Variants in LRRTM3 observed in about 807,000 individuals in gnomAD.
LRRTM3 encodes the protein leucine rich repeat transmembrane neuronal 3.
Under a neutral mutation model 44.7 loss-of-function variants are expected in LRRTM3, and 24 were observed. The ratio of observed to expected loss-of-function variants is 0.54; its 90% confidence interval spans 0.39 to 0.76. The LOEUF is 0.76. LRRTM3 is among the 30% of genes least tolerant of loss of function. The probability of loss-of-function intolerance (pLI) is 0.00; values close to 1 mark genes in which losing one functional copy is unlikely to be tolerated. For missense variants in LRRTM3, 587 were observed against 702.2 expected, an observed-to-expected ratio of 0.84 and a Z score of 1.85; for synonymous variants, 277 against 278.7, an observed-to-expected ratio of 0.99 and a Z score of 0.06.
intron 2 of LRRTM3, among the ~76,000 whole-genome samples, chr10:67,071,830 T>C (rs1344863169): frequency 6.6e-6 from 1 of 152,228 alleles, no homozygotes; most frequent in African/African-American, 2.4e-5. Flanking sequence ...GAGTATTTTT[T>C]CAGTTCACTA....
At chr10:67,011,228 C>A (rs1852312104) in intron 2 of LRRTM3, among the ~76,000 whole-genome samples, 1 of 151,620 alleles carries the variant, frequency 6.6e-6, no homozygotes, top group Non-Finnish European at 1.5e-5. Flanking sequence ...GTAGTCCCAG[C>A]TACTCGGGAG....
In LRRTM3 at chr10:66,927,732, T is replaced by C. The variant is rs1403811008; in HGVS notation, c.816T>C (p.Ser272=). 3 of 1,614,062 alleles carry C rather than the reference T, an allele frequency of 1.9e-6. No homozygotes were observed. The highest frequency in any genetic ancestry group is 1.3e-5 in the African/African-American group (1 of 74,928). The change falls in exon 2 of 3, where the codon AGT becomes AGC. Residue 272 remains serine, a synonymous_variant. Transcript: ENST00000361320. The surrounding 1 kb of genome is among the most constrained non-coding windows in gnomAD (Gnocchi z 4.7). Reference sequence around the variant, plus strand: ...AGATCGAAGCTTTCAGTGGACCCAGTGTTTTCCAGTGTGTCCCGAATCTGC... The same window carrying C: ...AGATCGAAGCTTTCAGTGGACCCAGCGTTTTCCAGTGTGTCCCGAATCTGC... ...GNEIEAFSGP[S]VFQCVPNLQR... is the part of the protein sequence containing the mutation.
intron 2 of LRRTM3, among the ~76,000 whole-genome samples, chr10:67,086,770 C>T (rs534741552): frequency 1.7e-4 from 26 of 152,038 alleles, no homozygotes; most frequent in Non-Finnish European, 3.7e-4. Flanking sequence ...TTCTTTCCAC[C>T]AGTTGCTTCT....
chr10:66,980,495 T>C (rs1850358200), intron 2 of LRRTM3, among the ~76,000 whole-genome samples: 1 of 127,698 alleles, frequency 7.8e-6, no homozygotes. Context: ...ACCAAAACTA[T>C]TGAGACCTTC....
intron 2 of LRRTM3, among the ~76,000 whole-genome samples, chr10:66,994,963 C>T (rs1187095916): frequency 6.6e-6 from 1 of 152,152 alleles, no homozygotes; most frequent in Admixed American, 6.6e-5. Flanking sequence ...TGGAACTCTC[C>T]ACAAGGTCTA....
intron 2 of LRRTM3, among the ~76,000 whole-genome samples, chr10:66,932,391 G>C (rs1847453470): frequency 6.6e-6 from 1 of 152,160 alleles, no homozygotes. Flanking sequence ...TGAAGCCTGA[G>C]ATAAAGTGAG....
chr10:66,927,585 C>A lies in LRRTM3; in HGVS notation c.669C>A (p.Ala223=). ...ATCAATTTTCCAAGCTCAACCTGGCCCTTTTTCCAAGGTTGGTCAGCCTTC... is the reference window on the plus strand; with the variant it reads ...ATCAATTTTCCAAGCTCAACCTGGCACTTTTTCCAAGGTTGGTCAGCCTTC... ...EHNQFSKLNL[A]LFPRLVSLQN... Residue 223 remains alanine (A), a synonymous_variant, in exon 2 of 3, where the codon GCC becomes GCA. Transcript: ENST00000361320. The surrounding 1 kb of genome is among the most constrained non-coding windows in gnomAD (Gnocchi z 4.7). 2 of 1,614,142 alleles carry A rather than the reference C, an allele frequency of 1.2e-6. No homozygotes were observed. Among genetic ancestry groups the A allele is most frequent in the South Asian group, 1.1e-5 (1 of 91,080 alleles).
intron 2 of LRRTM3, among the ~76,000 whole-genome samples, chr10:66,989,491 C>G (rs1258103917): frequency 6.6e-6 from 1 of 152,024 alleles, no homozygotes; most frequent in Non-Finnish European, 1.5e-5. Context: ...CTGCAGATGC[C>G]ACACTATGGT....
chr10:67,063,865 AATCAATC>A (rs1399362274), intron 2 of LRRTM3, among the ~76,000 whole-genome samples: 2 of 152,216 alleles, frequency 1.3e-5, no homozygotes, highest in Admixed American at 1.3e-4. Flanking sequence ...TGATGCTAGC[AATCAATC>A]AAATACTCTG....
intron 2 of LRRTM3, among the ~76,000 whole-genome samples, chr10:67,005,682 C>CTTTTTTTGTTTTTTTT: frequency 1.6e-5 from 1 of 61,976 alleles, no homozygotes; most frequent in Non-Finnish European, 2.9e-5. Flanking sequence ...TTTACTCCAT[C>CTTTTTTTGTTTTTTTT]TTTTTTTTTT....
intron 2 of LRRTM3, among the ~76,000 whole-genome samples, chr10:67,064,395 C>T (rs1385501351): frequency 1.3e-5 from 2 of 151,594 alleles, no homozygotes; most frequent in East Asian, 1.9e-4. Context: ...CTAGTGTAAC[C>T]GAAATTACCA....
intron 2 of LRRTM3, among the ~76,000 whole-genome samples, chr10:66,937,539 C>T (rs1384367565): frequency 6.6e-6 from 1 of 152,084 alleles, no homozygotes; most frequent in Non-Finnish European, 1.5e-5. Context: ...ATAACAGACT[C>T]CTGGTGGACT....
At chr10:67,024,330 T>A (rs985125668) in intron 2 of LRRTM3, among the ~76,000 whole-genome samples, 1 of 152,218 alleles carries the variant, frequency 6.6e-6, no homozygotes, top group Non-Finnish European at 1.5e-5. Flanking sequence ...TCTCTTACCA[T>A]GACCTTCCTG....
intron 2 of LRRTM3, among the ~76,000 whole-genome samples, chr10:66,986,694 C>T (rs16913238): frequency 0.048 from 7,289 of 152,172 alleles, 460 homozygotes; most frequent in East Asian, 0.29. Flanking sequence ...ACTTTTACAA[C>T]TCCATGGCTA....
At chr10:67,037,619 T>C (rs1257386809) in intron 2 of LRRTM3, among the ~76,000 whole-genome samples, 3 of 152,136 alleles carry the variant, frequency 2.0e-5, no homozygotes, top group Middle Eastern at 3.2e-3. Context: ...TGAAAAATGA[T>C]GAAAACCTGA....
chr10:66,968,378 A>C (rs1019301133), intron 2 of LRRTM3, among the ~76,000 whole-genome samples: 3 of 150,046 alleles, frequency 2.0e-5, no homozygotes, highest in Non-Finnish European at 4.4e-5. Context: ...TCGAAAAAAG[A>C]TATACATACA....
At chr10:67,022,014 A>G (rs1453905983) in intron 2 of LRRTM3, among the ~76,000 whole-genome samples, 1 of 152,230 alleles carries the variant, frequency 6.6e-6, no homozygotes, top group Non-Finnish European at 1.5e-5. Context: ...TTAAGTCGCA[A>G]TAGACCTTTC....
chr10:67,097,981 T>C lies in LRRTM3; in HGVS notation c.*185T>C, dbSNP rs1589735682. The C allele has an allele frequency of 1.7e-6, 1 of 593,988 alleles. No individual in the cohort carries two copies. The highest frequency in any genetic ancestry group is 2.8e-5 in the East Asian group (1 of 35,670). 36.8% of individuals were successfully genotyped at this position (593,988 alleles called of 1,614,324 possible). A position where few individuals can be genotyped will look rare whatever the true frequency, so the allele number is the denominator to read the frequency against. ...CATGAATTGTTTTAAGTCTACACTTTGTAATTAGCTAAGTTGTGCAGTATT... is the reference window on the plus strand; with the variant it reads ...CATGAATTGTTTTAAGTCTACACTTCGTAATTAGCTAAGTTGTGCAGTATT... On this transcript the variant is annotated 3_prime_UTR_variant, in exon 3 of 3. Coordinates refer to ENST00000361320, the MANE Select transcript of LRRTM3 (RefSeq NM_178011.5).
At chr10:67,069,792 T>C (rs1856332674) in intron 2 of LRRTM3, among the ~76,000 whole-genome samples, 1 of 152,158 alleles carries the variant, frequency 6.6e-6, no homozygotes, top group African/African-American at 2.4e-5. Context: ...TTCTACTGTA[T>C]GAATATTCAA....
Sources: gnomAD v4.1 joint callset for allele counts (sites outside exome capture counted in the v4.1 genomes callset) on GRCh38, gnomAD v4.1.1 for gene constraint, Gnocchi (gnomAD v3.1) non-coding constraint, MANE v1.5 for transcripts, NCBI Gene and HGNC (gene_info 2026-07-23, HGNC 2026-07-21) for gene names.